Variants in EPHA6 observed in about 807,000 individuals in gnomAD.
EPHA6 encodes the protein ephrin type-A receptor 6.
A neutral mutation model predicts 112.0 loss-of-function variants in EPHA6; 50 were observed. The ratio of observed to expected loss-of-function variants is 0.45; its 90% CI spans 0.36 to 0.56. The LOEUF (loss-of-function observed/expected upper bound fraction) is 0.56. Ranked by LOEUF, EPHA6 falls within the 20% of genes least tolerant of loss-of-function variation. The probability of loss-of-function intolerance (pLI) is 0.00; values close to 1 mark genes in which losing one functional copy is unlikely to be tolerated. For missense variants in EPHA6, 1,280 were observed against 1,417.4 expected (o/e 0.90, Z 1.56); for synonymous variants, 529 against 490.7 (o/e 1.08, Z -1.03).
At chr3:97,017,649 A>G (rs1044001091) in intron 3 of EPHA6, among the ~76,000 whole-genome samples, 2 of 152,164 alleles carry the variant, frequency 1.3e-5, no homozygotes, top group Non-Finnish European at 2.9e-5. Flanking sequence ...GGAAATGCTC[A>G]TGCTGCTAGA....
chr3:97,204,405 T>G (rs1487172236), intron 3 of EPHA6, among the ~76,000 whole-genome samples: 1 of 152,078 alleles, frequency 6.6e-6, no homozygotes, highest in Non-Finnish European at 1.5e-5. Context: ...ATTCTCAAGA[T>G]AGTTGTACAA....
Position 96,987,431 on chromosome 3 carries a change from C to T in EPHA6, c.552C>T (p.Asn184=). 2 of 1,613,926 alleles carry T rather than the reference C, an allele frequency of 1.2e-6. No individual in the cohort carries two copies. Among genetic ancestry groups the T allele is most frequent in the Non-Finnish European group, 1.7e-6 (2 of 1,179,866 alleles). The change falls in exon 3 of 18, where the codon AAC becomes AAT. Residue 184 remains asparagine, a synonymous_variant. Coordinates refer to ENST00000389672, the MANE Select transcript of EPHA6 (RefSeq NM_001080448.3). ...ACCAAAACAACTGGCTTCGTACAAA[C>T]TGGATCTCCCGTGATGCAGCTCAGA... ...EPNQNNWLRT[N]WISRDAAQKI...
At position 97,289,501 on chromosome 3, in the gene EPHA6, G is replaced by T. The variant is rs558687023; in HGVS notation, c.1606+45214G>T. Among the ~76,000 whole-genome samples the T allele has an allele frequency of 1.1e-3, 167 of 152,232 alleles. No homozygotes were observed. In the Middle Eastern group the frequency reaches 0.014, roughly 12 times the overall value. ...CAGTAGTCTTATATTATTGTTTGAAGTTGGGTAATGTGATGCTTCTGGCTT... is the reference window on the plus strand; with the variant it reads ...CAGTAGTCTTATATTATTGTTTGAATTTGGGTAATGTGATGCTTCTGGCTT... On this transcript the variant is annotated intron_variant, in intron 5 of 17. Transcript: ENST00000389672.
At chr3:97,444,450 T>A (rs2090255090) in intron 6 of EPHA6, among the ~76,000 whole-genome samples, 1 of 152,084 alleles carries the variant, frequency 6.6e-6, no homozygotes, top group African/African-American at 2.4e-5. Flanking sequence ...AAAAAAATAT[T>A]GAATTGAATT....
At chr3:97,578,817 C>T (rs1447225271) in intron 11 of EPHA6, among the ~76,000 whole-genome samples, 1 of 152,114 alleles carries the variant, frequency 6.6e-6, no homozygotes, top group African/African-American at 2.4e-5. Flanking sequence ...TTTCATTCAA[C>T]TGAATTTTTA....
At chr3:97,400,464 A>T (rs565239905) in intron 5 of EPHA6, among the ~76,000 whole-genome samples, 1 of 151,778 alleles carries the variant, frequency 6.6e-6, no homozygotes, top group South Asian at 2.1e-4. Flanking sequence ...TTCTGTAAAG[A>T]ATATAATTGT....
intron 11 of EPHA6, among the ~76,000 whole-genome samples, chr3:97,590,648 A>G (rs1245362048): frequency 6.6e-6 from 1 of 151,866 alleles, no homozygotes; most frequent in East Asian, 1.9e-4. Context: ...TTATGATCTA[A>G]TATTCTTGAA....
rs372814735 is a variant in EPHA6, at chr3:97,589,281, G to A, written c.2387-3331G>A. On this transcript the variant is annotated intron_variant, in intron 11 of 17. Transcript: ENST00000389672. ...CAAAAGATTGGACACCCCTTGTTACGGATTAAATATATATTTTTTAGGATG... is the reference window on the plus strand; with the variant it reads ...CAAAAGATTGGACACCCCTTGTTACAGATTAAATATATATTTTTTAGGATG... 5.3e-5 allele frequency among the ~76,000 whole-genome samples: 8 copies of A among 151,682 alleles called. No homozygotes were observed. The East Asian group carries it at 9.7e-4, about 18-fold the overall frequency.
chr3:97,125,558 G>A (rs2108313565), intron 3 of EPHA6, among the ~76,000 whole-genome samples: 1 of 152,038 alleles, frequency 6.6e-6, no homozygotes, highest in African/African-American at 2.4e-5. Context: ...ATTTGTCTCT[G>A]GCTTGTTAAC....
chr3:97,135,279 C>T (rs779086758), intron 3 of EPHA6, among the ~76,000 whole-genome samples: 8 of 152,142 alleles, frequency 5.3e-5, no homozygotes, highest in African/African-American at 1.2e-4. Flanking sequence ...AGAAAAGTCA[C>T]TTAATTTCTG....
At chr3:97,083,356 A>G (rs2046784766) in intron 3 of EPHA6, among the ~76,000 whole-genome samples, 1 of 152,000 alleles carries the variant, frequency 6.6e-6, no homozygotes, top group Non-Finnish European at 1.5e-5. Flanking sequence ...GATTAAGACT[A>G]CTTGCTATTA....
At chr3:97,716,703 A>G (rs2034255990) in intron 14 of EPHA6, among the ~76,000 whole-genome samples, 1 of 152,168 alleles carries the variant, frequency 6.6e-6, no homozygotes, top group Non-Finnish European at 1.5e-5. Flanking sequence ...TTAGATATAA[A>G]CTGTATCCCG....
intron 5 of EPHA6, among the ~76,000 whole-genome samples, chr3:97,308,951 T>C (rs59271109): frequency 0.014 from 2,103 of 151,872 alleles, 48 homozygotes; most frequent in African/African-American, 0.047. Flanking sequence ...TAAATCACTA[T>C]ATAAAAGTAT....
At chr3:97,600,118 T>C (rs1218499351) in intron 12 of EPHA6, among the ~76,000 whole-genome samples, 1 of 150,546 alleles carries the variant, frequency 6.6e-6, no homozygotes, top group Non-Finnish European at 1.5e-5. Context: ...ATTGATTTTG[T>C]ATCCTGAGAC....
chr3:97,661,060 T>G (rs1000031749), intron 14 of EPHA6, among the ~76,000 whole-genome samples: 3 of 152,142 alleles, frequency 2.0e-5, no homozygotes, highest in African/African-American at 7.2e-5. Context: ...GGTGAATTAC[T>G]TCCTATAATA....
chr3:97,498,309 AG>A lies in EPHA6; in HGVS notation c.2200+14251del, dbSNP rs751855314. ...CCAGTTTCTAAATGTGCATAGCCAA[AG>A]AAAAGCCAAAAGAAAATAGCAAAAA... On this transcript the variant is annotated intron_variant, in intron 10 of 17. Coordinates refer to ENST00000389672, the MANE Select transcript of EPHA6 (RefSeq NM_001080448.3). Among the ~76,000 whole-genome samples, 17 of 151,264 alleles carry A rather than the reference AG, an allele frequency of 1.1e-4. No homozygotes were observed. In the South Asian group the frequency reaches 3.5e-3, roughly 32 times the overall value.
chr3:97,493,857 C>T (rs2091912123), intron 10 of EPHA6, among the ~76,000 whole-genome samples: 1 of 152,044 alleles, frequency 6.6e-6, no homozygotes, highest in Non-Finnish European at 1.5e-5. Flanking sequence ...TACCACGTGT[C>T]CAGAGAGTGG....
At chr3:96,921,287 C>T (rs2039748780) in intron 2 of EPHA6, among the ~76,000 whole-genome samples, 1 of 151,908 alleles carries the variant, frequency 6.6e-6, no homozygotes, top group Non-Finnish European at 1.5e-5. Context: ...ATATTAGCTA[C>T]ATAAATCCTT....
rs886388137 is a variant in EPHA6, at chr3:97,754,337, C to T, written c.*5636C>T. 6.6e-6 allele frequency among the ~76,000 whole-genome samples: 1 copy of T among 152,168 alleles called. No individual in the cohort carries two copies. Among genetic ancestry groups the T allele is most frequent in the African/African-American group, 2.4e-5 (1 of 41,448 alleles). On this transcript the variant is annotated 3_prime_UTR_variant, in exon 18 of 18. Transcript: ENST00000389672. ...TCCCGACCTCAGGTGATCTGCCCGC[C>T]TCAGCCTCCCAAAGTGCTGGGATTA...
Sources: gnomAD v4.1 joint callset for allele counts (sites outside exome capture counted in the v4.1 genomes callset) on GRCh38, gnomAD v4.1.1 for gene constraint, MANE v1.5 for transcripts, NCBI Gene and HGNC (gene_info 2026-07-23, HGNC 2026-07-21) for gene names.